Variants in FGF14 observed in about 807,000 individuals in gnomAD.
The protein encoded by FGF14 is fibroblast growth factor 14.
FGF14 carries 5 observed loss-of-function variants against 25.5 expected under a neutral mutation model. The observed-to-expected ratio is 0.20, with a 90% CI of 0.10 to 0.41. FGF14 has a LOEUF of 0.41. Ranked by LOEUF, FGF14 falls within the 10% of genes least tolerant of loss-of-function variation. The pLI, the probability that FGF14 is intolerant of heterozygous loss-of-function variation, is 1.00. For missense variants in FGF14, 222 were observed against 320.1 expected (o/e 0.69, Z 2.34); for synonymous variants, 138 against 118.3 (o/e 1.17, Z -1.08).
Position 102,337,837 on chromosome 13 carries a change from AT to A in FGF14, c.208+63633del, listed in dbSNP as rs1046480094. Among the ~76,000 whole-genome samples the A allele has an allele frequency of 1.1e-4, 16 of 152,062 alleles. No homozygotes were observed. In the South Asian group the frequency reaches 2.5e-3, roughly 24 times the overall value. On this transcript the variant is annotated intron_variant, in intron 1 of 4. Coordinates refer to the FGF14 transcript ENST00000376131. ...ATGGTAGGCTCAGATGATTGTCGGC[AT>A]TTTTTTTAACTAATAAAGTATTTTT...
intron 1 of FGF14, among the ~76,000 whole-genome samples, chr13:102,050,173 G>A (rs546576066): frequency 6.6e-6 from 1 of 152,168 alleles, no homozygotes; most frequent in Non-Finnish European, 1.5e-5. Flanking sequence ...TGATTCAAAT[G>A]TGTTAAGAGG....
chr13:101,794,118 T>C (rs987658367), intron 3 of FGF14, among the ~76,000 whole-genome samples: 1 of 152,018 alleles, frequency 6.6e-6, no homozygotes, highest in African/African-American at 2.4e-5. Flanking sequence ...TCAATTTCTT[T>C]TTTTGCTTTA....
chr13:102,250,047 G>A (rs1330044154), intron 1 of FGF14, among the ~76,000 whole-genome samples: 1 of 151,940 alleles, frequency 6.6e-6, no homozygotes, highest in Non-Finnish European at 1.5e-5. Context: ...ACCACCCCCA[G>A]GGTAAAAAGA....
At chr13:102,172,201 G>T (rs1371206578) in intron 1 of FGF14, among the ~76,000 whole-genome samples, 1 of 151,962 alleles carries the variant, frequency 6.6e-6, no homozygotes, top group Admixed American at 6.6e-5. Flanking sequence ...AAATCTCAGG[G>T]AGAAGAAAGT....
intron 1 of FGF14, among the ~76,000 whole-genome samples, chr13:102,223,808 A>G (rs550092628): frequency 6.6e-6 from 1 of 152,312 alleles, no homozygotes; most frequent in Admixed American, 6.5e-5. Context: ...GGCTGCAGTG[A>G]GCTATTGTCA....
In FGF14 at chr13:101,717,117, T is replaced by C. The variant is rs1432299935; in HGVS notation, c.*5714A>G. 3 of 152,244 alleles carry C rather than the reference T, an allele frequency of 2.0e-5. No homozygotes were observed. The East Asian group carries it at 5.8e-4, about 29-fold the overall frequency. 9.4% of individuals were successfully genotyped at this position (152,244 alleles called of 1,614,324 possible). On this transcript the variant is annotated 3_prime_UTR_variant, in exon 5 of 5. Transcript: ENST00000376143. ...TAAGATGAAAATTTTTACTTGGAAA[T>C]TTTATTTTAATGATGTAAATATTCT...
chr13:102,061,692 A>G (rs2042697051), intron 1 of FGF14, among the ~76,000 whole-genome samples: 1 of 152,210 alleles, frequency 6.6e-6, no homozygotes, highest in African/African-American at 2.4e-5. Context: ...CATGAATAGA[A>G]GGCAGAACTG....
chr13:102,047,255 C>T (rs1044821482), intron 1 of FGF14, among the ~76,000 whole-genome samples: 1 of 151,966 alleles, frequency 6.6e-6, no homozygotes, highest in Non-Finnish European at 1.5e-5. Context: ...CATTTTATCC[C>T]CTTCCTACCA....
At chr13:101,852,677 C>T (rs767999540) in intron 3 of FGF14, among the ~76,000 whole-genome samples, 3 of 152,020 alleles carry the variant, frequency 2.0e-5, no homozygotes, top group Non-Finnish European at 4.4e-5. Flanking sequence ...GACCTAATGA[C>T]ACATAAGAAG....
chr13:102,229,310 GC>G (rs1327605091), intron 1 of FGF14, among the ~76,000 whole-genome samples: 4 of 152,168 alleles, frequency 2.6e-5, no homozygotes, highest in Non-Finnish European at 4.4e-5. Flanking sequence ...CTTAAGACAT[GC>G]AGGACTCCAT....
chr13:102,345,995 T>C (rs1430806123), intron 1 of FGF14, among the ~76,000 whole-genome samples: 1 of 152,224 alleles, frequency 6.6e-6, no homozygotes, highest in Non-Finnish European at 1.5e-5. Context: ...ATGGAATATA[T>C]AGTTCTCTAC....
chr13:102,352,811 C>CAAAAAA (rs368786811), intron 1 of FGF14, among the ~76,000 whole-genome samples: 1 of 62,134 alleles, frequency 1.6e-5, no homozygotes, highest in Non-Finnish European at 3.6e-5. Context: ...GACTCTGTCT[C>CAAAAAA]AAAAAAAAAA....
chr13:102,262,158 G>C (rs955511708), intron 1 of FGF14, among the ~76,000 whole-genome samples: 1 of 152,018 alleles, frequency 6.6e-6, no homozygotes, highest in Non-Finnish European at 1.5e-5. Flanking sequence ...AGAAATACTT[G>C]TACATTTTTA....
chr13:102,311,447 C>T lies in FGF14; in HGVS notation c.208+90024G>A, dbSNP rs371519210. 1.6e-3 allele frequency among the ~76,000 whole-genome samples: 251 copies of T among 152,196 alleles called. 2 individuals are homozygous for T. The highest frequency in any genetic ancestry group is 5.6e-3 in the African/African-American group (231 of 41,550). ...GTGTCTTTAATTCTAGCTACAATGCCCCTGCTGGCAAGAGTCCATCCTTCC... is the reference window on the plus strand; with the variant it reads ...GTGTCTTTAATTCTAGCTACAATGCTCCTGCTGGCAAGAGTCCATCCTTCC... On this transcript the variant is annotated intron_variant, in intron 1 of 4. Coordinates refer to the FGF14 transcript ENST00000376131.
chr13:102,259,143 T>A (rs1316683782), intron 1 of FGF14, among the ~76,000 whole-genome samples: 1 of 152,184 alleles, frequency 6.6e-6, no homozygotes, highest in Non-Finnish European at 1.5e-5. Flanking sequence ...TTGAAAGACT[T>A]CAGTGGCTCC....
At chr13:101,901,664 A>G (rs1010768215) in intron 1 of FGF14, among the ~76,000 whole-genome samples, 1 of 152,170 alleles carries the variant, frequency 6.6e-6, no homozygotes, top group Non-Finnish European at 1.5e-5. Context: ...AGATCGCACC[A>G]CTGCACTCCA....
intron 1 of FGF14, chr13:102,393,686 A>T (rs1253104646): frequency 6.6e-6 from 1 of 152,190 alleles, no homozygotes; most frequent in African/African-American, 2.4e-5. Flanking sequence ...AATTCTATGA[A>T]GCGCATGAGG....
At chr13:101,922,849 T>A (rs528701427) in intron 1 of FGF14, among the ~76,000 whole-genome samples, 1 of 152,068 alleles carries the variant, frequency 6.6e-6, no homozygotes, top group East Asian at 1.9e-4. Context: ...TTTTTATTTA[T>A]CCTTCAAATG....
intron 1 of FGF14, among the ~76,000 whole-genome samples, chr13:102,066,258 A>T (rs1189401054): frequency 1.3e-5 from 2 of 152,192 alleles, no homozygotes; most frequent in East Asian, 3.8e-4. Flanking sequence ...TCTTAATTCA[A>T]TATCTAATAA....
Sources: gnomAD v4.1 joint callset for allele counts (sites outside exome capture counted in the v4.1 genomes callset) on GRCh38, gnomAD v4.1.1 for gene constraint, MANE v1.5 for transcripts, NCBI Gene and HGNC (gene_info 2026-07-23, HGNC 2026-07-21) for gene names.